Variants in FMN2 observed in about 807,000 individuals in gnomAD.
FMN2 encodes formin 2.
A neutral mutation model predicts 142.3 loss-of-function variants in FMN2; 51 were observed. That is an observed-to-expected ratio of 0.36 (90% CI 0.29 to 0.45). FMN2 has a LOEUF of 0.45. FMN2 is among the 20% of genes least tolerant of loss of function. The pLI is 1.00. For missense variants in FMN2, 1,936 were observed against 2,122.8 expected (o/e 0.91, Z 1.73); for synonymous variants, 882 against 869.8 (o/e 1.01, Z -0.25).
chr1:240,416,894 CT>C (rs1289447683), intron 15 of FMN2, among the ~76,000 whole-genome samples: 2 of 151,188 alleles, frequency 1.3e-5, no homozygotes, highest in African/African-American at 4.9e-5. Context: ...TTTAATTTTT[CT>C]TTTTTTAAAA....
chr1:240,181,342 G>A (rs922920816), intron 3 of FMN2, among the ~76,000 whole-genome samples: 3 of 152,148 alleles, frequency 2.0e-5, no homozygotes, highest in Non-Finnish European at 4.4e-5. Flanking sequence ...CAATTCACAT[G>A]TCCAGCTAGT....
At chr1:240,380,955 T>C (rs970876081) in intron 14 of FMN2, among the ~76,000 whole-genome samples, 4 of 152,106 alleles carry the variant, frequency 2.6e-5, no homozygotes, top group Non-Finnish European at 2.9e-5. Context: ...ATTATGAGCA[T>C]CTCTATGCCC....
intron 13 of FMN2, among the ~76,000 whole-genome samples, chr1:240,345,456 C>A (rs140850079): frequency 1.3e-5 from 2 of 152,184 alleles, no homozygotes; most frequent in East Asian, 3.9e-4. Flanking sequence ...GAGAAACCAT[C>A]TGGCAATATC....
intron 6 of FMN2, among the ~76,000 whole-genome samples, chr1:240,232,836 T>C (rs1260470194): frequency 1.3e-5 from 2 of 152,290 alleles, no homozygotes; most frequent in African/African-American, 2.4e-5. Context: ...ACATTTTTTT[T>C]CCCCGCTAGG....
At chr1:240,365,830 T>A (rs1472410811) in intron 14 of FMN2, among the ~76,000 whole-genome samples, 1 of 152,204 alleles carries the variant, frequency 6.6e-6, no homozygotes, top group Non-Finnish European at 1.5e-5. Flanking sequence ...CTGTTACTCA[T>A]GCCTTAATGA....
intron 15 of FMN2, among the ~76,000 whole-genome samples, chr1:240,437,686 G>C (rs1675446352): frequency 6.6e-6 from 1 of 152,148 alleles, no homozygotes; most frequent in Non-Finnish European, 1.5e-5. Context: ...CTACATACTA[G>C]TTTGGGGACA....
intron 8 of FMN2, among the ~76,000 whole-genome samples, chr1:240,302,791 G>A (rs866019916): frequency 6.6e-6 from 1 of 151,916 alleles, no homozygotes; most frequent in Non-Finnish European, 1.5e-5. Context: ...TGATATCTAA[G>A]TATAACTATC....
At chr1:240,463,780 A>G (rs1451605254) in intron 16 of FMN2, among the ~76,000 whole-genome samples, 1 of 152,056 alleles carries the variant, frequency 6.6e-6, no homozygotes, top group Non-Finnish European at 1.5e-5. Context: ...AGGTGGGTGG[A>G]TCATCTGAGG....
At chr1:240,303,938 C>T in intron 8 of FMN2, among the ~76,000 whole-genome samples, 1 of 152,072 alleles carries the variant, frequency 6.6e-6, no homozygotes, top group South Asian at 2.1e-4. Flanking sequence ...TCAAATCCGT[C>T]TTTAAATTCT....
chr1:240,125,825 G>A (rs1662474081), intron 2 of FMN2, among the ~76,000 whole-genome samples: 1 of 152,096 alleles, frequency 6.6e-6, no homozygotes, highest in Admixed American at 6.6e-5. Flanking sequence ...TTATTTTGGA[G>A]GGCAGCTGGG....
In FMN2 at chr1:240,332,009, C is replaced by A. The variant is rs961998470; in HGVS notation, c.4584+1260C>A. Among the ~76,000 whole-genome samples, 2 of 152,012 alleles carry A rather than the reference C, an allele frequency of 1.3e-5. 1 individual carries two copies. Among genetic ancestry groups the A allele is most frequent in the Non-Finnish European group, 2.9e-5 (2 of 67,998 alleles). On this transcript the variant is annotated intron_variant, in intron 11 of 17. Transcript: ENST00000319653. ...GTCAAAAAATTGTAAGATGAAGCAT[C>A]GGGAGTCGGAGACTGTGTCTCTGTG...
intron 14 of FMN2, among the ~76,000 whole-genome samples, chr1:240,357,286 G>A (rs1230583785): frequency 6.6e-6 from 1 of 152,096 alleles, no homozygotes; most frequent in African/African-American, 2.4e-5. Context: ...ATAAACAAAT[G>A]TCACTCTTAT....
chr1:240,098,182 A>T (rs979730066), intron 1 of FMN2, among the ~76,000 whole-genome samples: 11 of 145,670 alleles, frequency 7.6e-5, no homozygotes, highest in African/African-American at 2.9e-4. Context: ...GCTCACTGCA[A>T]CCTCCGCCCA....
chr1:240,452,156 A>G (rs1035378790), intron 16 of FMN2, among the ~76,000 whole-genome samples: 2 of 151,998 alleles, frequency 1.3e-5, no homozygotes, highest in South Asian at 2.1e-4. Context: ...ACACCACCGC[A>G]CTCCAGCCTG....
chr1:240,239,117 CAA>C (rs1333400949), intron 6 of FMN2, among the ~76,000 whole-genome samples: 2 of 152,082 alleles, frequency 1.3e-5, no homozygotes, highest in Non-Finnish European at 2.9e-5. Flanking sequence ...TATAGAATAA[CAA>C]TATTTTAAAA....
intron 1 of FMN2, among the ~76,000 whole-genome samples, chr1:240,118,561 C>T (rs1054485043): frequency 1.3e-5 from 2 of 152,112 alleles, no homozygotes; most frequent in African/African-American, 4.8e-5. Flanking sequence ...TGATTTTACT[C>T]TGAGGGTGAT....
At chr1:240,206,007 G>C (rs1198899517) in intron 4 of FMN2, among the ~76,000 whole-genome samples, 1 of 148,470 alleles carries the variant, frequency 6.7e-6, no homozygotes, top group Non-Finnish European at 1.5e-5. Flanking sequence ...GGCTCAAGCT[G>C]TCCTTCCGCC....
intron 2 of FMN2, chr1:240,145,530 A>ATTTTTTTTTT (rs71168902): frequency 3.6e-5 from 3 of 84,346 alleles, no homozygotes; most frequent in Non-Finnish European, 6.5e-5. Flanking sequence ...TTCTTTTTCT[A>ATTTTTTTTTT]TTTTTTTTTT....
intron 15 of FMN2, among the ~76,000 whole-genome samples, chr1:240,426,656 T>C (rs1674943958): frequency 6.6e-6 from 1 of 152,192 alleles, no homozygotes; most frequent in African/African-American, 2.4e-5. Flanking sequence ...TCCTCCCATA[T>C]TGTTTTTGAA....
Sources: allele counts gnomAD v4.1 joint callset (sites outside exome capture counted in the v4.1 genomes callset), GRCh38; gene constraint gnomAD v4.1.1; transcripts MANE v1.5; gene names NCBI Gene and HGNC (gene_info 2026-07-23, HGNC 2026-07-21).